USP14: variants seen among roughly 807,000 people sequenced by gnomAD.
The protein encoded by USP14 is ubiquitin specific peptidase 14.
Under a neutral mutation model 76.5 loss-of-function variants are expected in USP14, and 38 were observed. The ratio of observed to expected loss-of-function variants is 0.50; its 90% CI spans 0.38 to 0.65. The LOEUF is 0.65. Ranked by LOEUF, USP14 falls within the 30% of genes least tolerant of loss-of-function variation. The pLI, the probability that USP14 is intolerant of heterozygous loss-of-function variation, is 0.00. For missense variants in USP14, 467 were observed against 586.5 expected (o/e 0.80, Z 2.10); for synonymous variants, 192 against 191.7 (o/e 1.00, Z -0.01).
At chr18:194,751 C>T (rs1355506371) in intron 6 of USP14, among the ~76,000 whole-genome samples, 2 of 151,928 alleles carry the variant, frequency 1.3e-5, no homozygotes, top group East Asian at 1.9e-4. Flanking sequence ...GCCAACATGG[C>T]GAAACCCCGT....
At chr18:210,683 TAAG>T (rs1163165694) in intron 15 of USP14, among the ~76,000 whole-genome samples, 190 bp downstream of exon 15, 2 of 152,170 alleles carry the variant, frequency 1.3e-5, no homozygotes, top group African/African-American at 4.8e-5. Flanking sequence ...ACTGAGAAAT[TAAG>T]AAAGTTAGTT....
chr18:180,311 G>A lies in USP14; in HGVS notation c.376G>A (p.Val126Met). 6.3e-7 allele frequency: 1 copy of A among 1,588,180 alleles called. No individual in the cohort carries two copies. The highest frequency in any genetic ancestry group is 1.4e-5 in the African/African-American group (1 of 72,408). ...TGCCACAGTTCAGTGTATTCGTTCT[G>A]TGCCTGAACTCAAAGATGCCCTTAA... Reference protein sequence around the residue: ...MNATVQCIRSVPELKDALKRY... With the variant: ...MNATVQCIRSMPELKDALKRY... The change falls in exon 5 of 16, where the codon GTG (valine) becomes ATG (methionine). Residue 126 changes from valine to methionine, a missense_variant. By Grantham distance (21) the Val-to-Met change is conservative. Coordinates refer to ENST00000261601, the MANE Select transcript of USP14 (RefSeq NM_005151.4).
chr18:185,476 C>T (rs948187666), intron 5 of USP14, among the ~76,000 whole-genome samples: 1 of 151,910 alleles, frequency 6.6e-6, no homozygotes, highest in Non-Finnish European at 1.5e-5. Context: ...TCTGTTAACA[C>T]TAGCGTCTCA....
chr18:209,003 A>G (rs1274920761), intron 13 of USP14, among the ~76,000 whole-genome samples: 1 of 152,234 alleles, frequency 6.6e-6, no homozygotes, highest in East Asian at 1.9e-4. Flanking sequence ...GCCCCGGCGT[A>G]AGCCACTATA....
rs758849710 is a variant in USP14, at chr18:204,671, A to G, written c.1143A>G (p.Lys381=). The part of the protein sequence containing the change: ...RSKFKDLEDK[K]VNQQPNTSDK... ...AATTCAAGGATCTAGAAGATAAAAA[A>G]GTGAATCAGCAGCCAAATACAGTAG... Residue 381 remains lysine (K), a synonymous_variant, in exon 13 of 16, where the codon AAA becomes AAG. Transcript: ENST00000261601. 1 of 1,612,748 alleles carries G rather than the reference A, an allele frequency of 6.2e-7. No homozygotes were observed. The highest frequency in any genetic ancestry group is 8.5e-7 in the Non-Finnish European group (1 of 1,179,664).
At chr18:201,198 G>C (rs369934427) in intron 10 of USP14, among the ~76,000 whole-genome samples, 7 of 152,320 alleles carry the variant, frequency 4.6e-5, no homozygotes, top group South Asian at 4.1e-4. Context: ...CTAGATATTT[G>C]AAGAAGGGCC....
chr18:171,009 T>TAAAAAAAAAAA (rs145131497), intron 3 of USP14, among the ~76,000 whole-genome samples: 2 of 91,756 alleles, frequency 2.2e-5, no homozygotes, highest in African/African-American at 9.3e-5. Flanking sequence ...CCCTGGAACT[T>TAAAAAAAAAAA]AAAAAAAAAA....
intron 1 of USP14, among the ~76,000 whole-genome samples, chr18:161,627 G>T (rs557255230): frequency 6.2e-4 from 94 of 152,218 alleles, no homozygotes; most frequent in African/African-American, 2.2e-3. Context: ...TTTGTACCGG[G>T]CTTGTCATTA....
chr18:211,099 A>G (rs753370525), intron 15 of USP14, 34 bp from the exon 16 acceptor site: 2 of 1,597,474 alleles, frequency 1.3e-6, no homozygotes, highest in Admixed American at 1.7e-5. Flanking sequence ...AATCCTGCAT[A>G]ACATTAATTC....
chr18:182,857 G>A (rs1909822749), intron 5 of USP14, among the ~76,000 whole-genome samples: 1 of 152,202 alleles, frequency 6.6e-6, no homozygotes, highest in Admixed American at 6.5e-5. Flanking sequence ...GCAACTGCCT[G>A]GAGAAGGATG....
rs531631499 is a variant in USP14 at position 173,144 on chromosome 18, T to A, written c.196-5789T>A. Among the ~76,000 whole-genome samples the A allele has an allele frequency of 2.8e-3, 430 of 151,634 alleles. 2 individuals carry two copies. Among genetic ancestry groups the A allele is most frequent in the South Asian group, 0.014 (69 of 4,780 alleles). ...TTTTCTTTGAGACGGAGTCTCACCC[T>A]GTTGCCCAGGCTGGAGTGCAGTGGC... On this transcript the variant is annotated intron_variant, in intron 3 of 15. Coordinates refer to ENST00000261601, the MANE Select transcript of USP14 (RefSeq NM_005151.4).
At position 210,005 on chromosome 18, in the gene USP14, A is replaced by C. The variant is rs1398843743; in HGVS notation, c.1199A>C (p.Lys400Thr). 1 of 1,607,738 alleles carries C rather than the reference A, an allele frequency of 6.2e-7. No homozygotes were observed. The highest frequency in any genetic ancestry group is 1.1e-5 in the South Asian group (1 of 89,296). ...AAGAGTAGTCCCCAGAAAGAAGTTAAGTATGAACCCTTTTCTTTTGCTGAT... is the reference window on the plus strand; with the variant it reads ...AAGAGTAGTCCCCAGAAAGAAGTTACGTATGAACCCTTTTCTTTTGCTGAT... ...DKKSSPQKEV[K>T]YEPFSFADDI... The change falls in exon 14 of 16, where the codon AAG becomes ACG. Residue 400 changes from lysine to threonine, a missense_variant. Coordinates refer to ENST00000261601, the MANE Select transcript of USP14 (RefSeq NM_005151.4).
At chr18:166,360 C>T (rs1238249347) in intron 2 of USP14, among the ~76,000 whole-genome samples, 3 of 151,736 alleles carry the variant, frequency 2.0e-5, no homozygotes. Context: ...TGAGATGGAG[C>T]CTTGTTCTGT....
chr18:181,243 G>A, intron 5 of USP14, among the ~76,000 whole-genome samples: 1 of 152,024 alleles, frequency 6.6e-6, no homozygotes, highest in African/African-American at 2.4e-5. Flanking sequence ...TTTTCATATA[G>A]TAACTCTATG....
intron 15 of USP14, 33 bp downstream of exon 15, chr18:210,526 T>G: frequency 7.0e-7 from 1 of 1,425,374 alleles, no homozygotes; most frequent in East Asian, 2.3e-5. Flanking sequence ...CTGTTCAATA[T>G]TATTTTAACA....
Position 213,109 on chromosome 18 carries a change from T to TATA in USP14, c.*1828_*1830dup, listed in dbSNP as rs1413272566. The stretch of plus-strand genomic sequence containing the variant: ...ATGGGCAGGATGAGACCATGAAAAT[T>TATA]ATAATGATTCATGTATATTTGTATG... On this transcript the variant is annotated 3_prime_UTR_variant, in exon 16 of 16. Coordinates refer to ENST00000261601, the MANE Select transcript of USP14 (RefSeq NM_005151.4). 1 of 148,702 alleles carries TATA rather than the reference T, an allele frequency of 6.7e-6. No homozygotes were observed. Among genetic ancestry groups the TATA allele is most frequent in the Non-Finnish European group, 1.5e-5 (1 of 65,742 alleles). The allele number at this position is 148,702 out of a possible 1,614,324, so 9.2% of individuals were successfully genotyped here. A position where few individuals can be genotyped will look rare whatever the true frequency, so the allele number is the denominator to read the frequency against.
At chr18:179,693 T>C (rs1909731021) in intron 4 of USP14, among the ~76,000 whole-genome samples, 1 of 150,476 alleles carries the variant, frequency 6.6e-6, no homozygotes, top group Admixed American at 6.7e-5. Context: ...GTTCAAGTGA[T>C]CCTCCCACCT....
chr18:178,758 A>G, intron 3 of USP14, 175 bp from the exon 4 acceptor site: 1 of 471,972 alleles, frequency 2.1e-6, no homozygotes, highest in South Asian at 2.4e-5. Flanking sequence ...ATTTAAGGTC[A>G]CTCCCTCTCC....
Position 185,401 on chromosome 18 carries a change from C to T in USP14, c.404+5062C>T, listed in dbSNP as rs570382454. 1.6e-3 allele frequency among the ~76,000 whole-genome samples: 242 copies of T among 152,134 alleles called. 1 individual carries two copies. Among genetic ancestry groups the T allele is most frequent in the Non-Finnish European group, 2.1e-3 (145 of 67,992 alleles). On this transcript the variant is annotated intron_variant, in intron 5 of 15. Coordinates refer to ENST00000261601, the MANE Select transcript of USP14 (RefSeq NM_005151.4). The stretch of plus-strand genomic sequence containing the variant: ...TCAAAATCCTCACAAGTCATCTGCC[C>T]GCCTCAGCCTCCCAAAGTGCTGGGA...
Sources: gnomAD v4.1 joint callset for allele counts (sites outside exome capture counted in the v4.1 genomes callset) on GRCh38, gnomAD v4.1.1 for gene constraint, MANE v1.5 for transcripts, NCBI Gene and HGNC (gene_info 2026-07-23, HGNC 2026-07-21) for gene names.